Variants in INPP5A observed in about 807,000 individuals in gnomAD.
INPP5A encodes the protein 43 kDa inositol polyphosphate 5-phophatase.
A neutral mutation model predicts 65.2 loss-of-function variants in INPP5A; 14 were observed. The ratio of observed to expected loss-of-function variants is 0.21; its 90% CI spans 0.14 to 0.34. INPP5A has a LOEUF of 0.34. Ranked by LOEUF, INPP5A falls within the 10% of genes least tolerant of loss-of-function variation. The pLI, the probability that INPP5A is intolerant of heterozygous loss-of-function variation, is 1.00. For synonymous variants in INPP5A, 207 were observed against 208.3 expected, an observed-to-expected ratio of 0.99 and a Z score of 0.05; for missense variants, 431 against 545.6, an observed-to-expected ratio of 0.79 and a Z score of 2.09.
At chr10:132,742,851 C>A (rs546752557) in intron 9 of INPP5A, among the ~76,000 whole-genome samples, 1 of 152,174 alleles carries the variant, frequency 6.6e-6, no homozygotes, top group Non-Finnish European at 1.5e-5. Flanking sequence ...CGTCCTTTGG[C>A]CCTTTATTTA....
chr10:132,744,549 C>G (rs1220023662), intron 9 of INPP5A, among the ~76,000 whole-genome samples: 1 of 152,136 alleles, frequency 6.6e-6, no homozygotes, highest in Non-Finnish European at 1.5e-5. Flanking sequence ...TAGGGGGTCT[C>G]AGTTTGGAGG....
intron 4 of INPP5A, among the ~76,000 whole-genome samples, chr10:132,656,291 C>T (rs1435203550): frequency 1.3e-5 from 2 of 152,262 alleles, no homozygotes; most frequent in East Asian, 1.9e-4. Context: ...CCTCTTCATC[C>T]ACCCACCCAG....
At chr10:132,702,585 G>C (rs1363911452) in intron 6 of INPP5A, among the ~76,000 whole-genome samples, 9 of 152,216 alleles carry the variant, frequency 5.9e-5, no homozygotes, top group Non-Finnish European at 1.2e-4. Flanking sequence ...CTCAGTTTGG[G>C]GTCTCTGCTG....
rs899293402 is a variant in INPP5A at position 132,603,707 on chromosome 10, C to T, written c.76-4208C>T. Among the ~76,000 whole-genome samples the T allele has an allele frequency of 1.3e-5, 2 of 152,202 alleles. No homozygotes were observed. The highest frequency in any genetic ancestry group is 2.9e-5 in the Non-Finnish European group (2 of 68,036). On this transcript the variant is annotated intron_variant, in intron 1 of 15. Coordinates refer to ENST00000368594, the MANE Select transcript of INPP5A (RefSeq NM_005539.5). The surrounding 1 kb of genome is among the most constrained non-coding windows in gnomAD (Gnocchi z 4.2). ...GTATCATGATTCTTAGGCAGCCTCT[C>T]AGCTCCTGGGCCCCACTTGCTGATT...
At chr10:132,597,323 G>GT (rs1397217326) in intron 1 of INPP5A, among the ~76,000 whole-genome samples, 3 of 152,230 alleles carry the variant, frequency 2.0e-5, no homozygotes, top group African/African-American at 7.2e-5. Context: ...GTGTCAGGGT[G>GT]TCTGGATGTG....
chr10:132,561,764 C>A (rs961779078), intron 1 of INPP5A, among the ~76,000 whole-genome samples: 2 of 122,564 alleles, frequency 1.6e-5, no homozygotes, highest in African/African-American at 3.1e-5. Flanking sequence ...ACACACACAA[C>A]CCTGCTGGAA....
At chr10:132,685,567 A>C (rs1316532210) in intron 4 of INPP5A, among the ~76,000 whole-genome samples, 2 of 152,248 alleles carry the variant, frequency 1.3e-5, no homozygotes, top group Middle Eastern at 3.2e-3. Flanking sequence ...CTGATTGCGG[A>C]AATGATAAAT....
At chr10:132,548,181 T>G (rs933377068) in intron 1 of INPP5A, among the ~76,000 whole-genome samples, 1 of 151,820 alleles carries the variant, frequency 6.6e-6, no homozygotes, top group Non-Finnish European at 1.5e-5. Context: ...TGCCCGGCCA[T>G]GGTGTCTTTA....
intron 8 of INPP5A, among the ~76,000 whole-genome samples, chr10:132,714,699 G>A (rs976675632): frequency 3.5e-5 from 5 of 141,242 alleles, no homozygotes; most frequent in African/African-American, 9.9e-5. Flanking sequence ...AAACCTAAAC[G>A]CATTCCAGAG....
At chr10:132,768,099 C>T (rs59712091) in intron 12 of INPP5A, among the ~76,000 whole-genome samples, 1 of 144,880 alleles carries the variant, frequency 6.9e-6, no homozygotes, top group Non-Finnish European at 1.5e-5. Context: ...CCATGGACCC[C>T]AACCCTCGGC....
chr10:132,771,044 C>T (rs1235919700), intron 12 of INPP5A, among the ~76,000 whole-genome samples: 1 of 152,238 alleles, frequency 6.6e-6, no homozygotes, highest in African/African-American at 2.4e-5. Context: ...GGCTCGTCCG[C>T]CCTTCTGGAG....
rs1350119527 is a variant in INPP5A at position 132,538,025 on chromosome 10, C to CG, written c.-70dup. 1 of 765,730 alleles carries CG rather than the reference C, an allele frequency of 1.3e-6. No homozygotes were observed. Among genetic ancestry groups the CG allele is most frequent in the African/African-American group, 1.9e-5 (1 of 52,296 alleles). 47.4% of individuals were successfully genotyped at this position (765,730 alleles called of 1,614,324 possible). ...ACGCCCCGCGGCCCCGCGAAGACCC[C>CG]GGCCGGCCGGTCCCGGAGGAAGCGG... On this transcript the variant is annotated 5_prime_UTR_variant, in exon 1 of 16. Transcript: ENST00000368594. The surrounding 1 kb of genome is among the most constrained non-coding windows in gnomAD (Gnocchi z 4.1).
intron 8 of INPP5A, among the ~76,000 whole-genome samples, chr10:132,723,206 T>C (rs1173933670): frequency 6.6e-6 from 1 of 152,236 alleles, no homozygotes; most frequent in East Asian, 1.9e-4. Context: ...CCTGGCGGCT[T>C]TCTCGGGAAG....
intron 5 of INPP5A, among the ~76,000 whole-genome samples, chr10:132,691,163 G>A (rs565752266): frequency 3.9e-5 from 6 of 152,216 alleles, no homozygotes; most frequent in Admixed American, 1.3e-4. Context: ...CTCGGGAGAC[G>A]GAGCGGCTCC....
At chr10:132,563,345 G>A (rs1406159268) in intron 1 of INPP5A, among the ~76,000 whole-genome samples, 1 of 152,186 alleles carries the variant, frequency 6.6e-6, no homozygotes, top group Non-Finnish European at 1.5e-5. Context: ...GGTGTGGATA[G>A]CACAGCGTCT....
At position 132,756,660 on chromosome 10, in the gene INPP5A, T is replaced by C. The variant is rs1305545593; in HGVS notation, c.903+6815T>C. 7.7e-5 allele frequency among the ~76,000 whole-genome samples: 11 copies of C among 142,818 alleles called. 1 individual carries two copies. Among genetic ancestry groups the C allele is most frequent in the Admixed American group, 6.2e-4 (9 of 14,426 alleles). The allele number at this position is 142,818 out of a possible 152,430, so 93.7% of individuals were successfully genotyped here. A position where few individuals can be genotyped will look rare whatever the true frequency, so the allele number is the denominator to read the frequency against. The stretch of plus-strand genomic sequence containing the variant: ...ACTTCAGAGCAACAACAAACAACTG[T>C]GTTACTGGTGTCTGCGTTTCTTCTC... On this transcript the variant is annotated intron_variant, in intron 11 of 15. Coordinates refer to ENST00000368594, the MANE Select transcript of INPP5A (RefSeq NM_005539.5).
rs539952676 is a variant in INPP5A, at chr10:132,538,744, A to T, written c.75+573A>T. On this transcript the variant is annotated intron_variant, in intron 1 of 15. Coordinates refer to ENST00000368594, the MANE Select transcript of INPP5A (RefSeq NM_005539.5). The surrounding 1 kb of genome is among the most constrained non-coding windows in gnomAD (Gnocchi z 4.1). The stretch of plus-strand genomic sequence containing the variant: ...TCTGTCTCTGGTCCCTGAGCCCTGG[A>T]CCCCAAACCCTGAAACATAACCACA... Among the ~76,000 whole-genome samples, 76 of 151,862 alleles carry T rather than the reference A, an allele frequency of 5.0e-4. No individual in the cohort carries two copies. Among genetic ancestry groups the T allele is most frequent in the Non-Finnish European group, 9.9e-4 (67 of 67,982 alleles).
rs1845572817 is a variant in INPP5A, at chr10:132,708,359, C to A, written c.521C>A (p.Ala174Glu). 1 of 1,613,914 alleles carries A rather than the reference C, an allele frequency of 6.2e-7. No homozygotes were observed. The highest frequency in any genetic ancestry group is 1.3e-5 in the African/African-American group (1 of 75,062). The change falls in exon 7 of 16, where the codon GCA becomes GAA. Residue 174 changes from alanine to glutamate, a missense_variant. Transcript: ENST00000368594. Reference protein sequence around the residue: ...KGFIRTRWCIADCAFDLVNIH... With the variant: ...KGFIRTRWCIEDCAFDLVNIH... ...TTCATCCGGACGAGGTGGTGCATTGCAGACTGGTACGTGGTGTCTGTGCTT... is the reference window on the plus strand; with the variant it reads ...TTCATCCGGACGAGGTGGTGCATTGAAGACTGGTACGTGGTGTCTGTGCTT...
intron 4 of INPP5A, among the ~76,000 whole-genome samples, chr10:132,660,580 C>T (rs2072722385): frequency 6.6e-6 from 1 of 152,180 alleles, no homozygotes; most frequent in Non-Finnish European, 1.5e-5. Context: ...CCTGTGTCAG[C>T]AACAGGTGGG....
Sources: gnomAD v4.1 joint callset for allele counts (sites outside exome capture counted in the v4.1 genomes callset) on GRCh38, gnomAD v4.1.1 for gene constraint, Gnocchi (gnomAD v3.1) non-coding constraint, MANE v1.5 for transcripts, NCBI Gene and HGNC (gene_info 2026-07-23, HGNC 2026-07-21) for gene names.